ADAMTS9: variants seen among roughly 807,000 people sequenced by gnomAD.
ADAMTS9 encodes the protein ADAM metallopeptidase with thrombospondin type 1 motif 9.
In ADAMTS9, 107 loss-of-function variants were observed where a neutral mutation model predicts 257.1. The ratio of observed to expected loss-of-function variants is 0.42; its 90% CI spans 0.36 to 0.49. ADAMTS9 has a LOEUF of 0.49. Among genes scored for constraint, ADAMTS9 ranks in the 20% least tolerant of loss-of-function variants. The pLI, the probability that ADAMTS9 is intolerant of heterozygous loss-of-function variation, is 0.03. For synonymous variants in ADAMTS9, 982 were observed against 880.9 expected, an observed-to-expected ratio of 1.11 and a Z score of -2.03; for missense variants, 2,353 against 2,469.1, an observed-to-expected ratio of 0.95 and a Z score of 1.00.
chr3:64,526,382 T>C (rs760813099), intron 38 of ADAMTS9, among the ~76,000 whole-genome samples: 1 of 152,032 alleles, frequency 6.6e-6, no homozygotes, highest in Non-Finnish European at 1.5e-5. Flanking sequence ...GATAAAATAG[T>C]TTCTCTTAAT....
intron 9 of ADAMTS9, 115 bp from the exon 10 acceptor site, chr3:64,649,893 T>A: frequency 1.6e-6 from 2 of 1,264,210 alleles, no homozygotes; most frequent in Non-Finnish European, 2.2e-6. Flanking sequence ...AGTTACTTTT[T>A]AACATGTGCT....
intron 22 of ADAMTS9, among the ~76,000 whole-genome samples, chr3:64,612,913 A>T (rs2084692887): frequency 6.6e-6 from 1 of 152,172 alleles, no homozygotes; most frequent in African/African-American, 2.4e-5. Context: ...TATTTATGAG[A>T]GGTGAGCTTT....
At chr3:64,602,328 A>T (rs1445703991) in intron 25 of ADAMTS9, 115 bp from the exon 26 acceptor site, 16 of 1,218,754 alleles carry the variant, frequency 1.3e-5, no homozygotes, top group Non-Finnish European at 1.9e-5. Flanking sequence ...TCAGGCCAAA[A>T]ACCTTGGAAT....
intron 12 of ADAMTS9, among the ~76,000 whole-genome samples, chr3:64,640,871 GA>G (rs1320064391): frequency 4.5e-4 from 69 of 152,110 alleles, no homozygotes; most frequent in African/African-American, 1.6e-3. Context: ...CAAATGCTGG[GA>G]AAAAAGTCCA....
At chr3:64,626,191 C>T (rs1700216531) in intron 16 of ADAMTS9, among the ~76,000 whole-genome samples, 1 of 152,144 alleles carries the variant, frequency 6.6e-6, no homozygotes. Context: ...GTCTCCTTAT[C>T]ACACTTCTAT....
At chr3:64,681,946 C>G (rs566811335) in intron 2 of ADAMTS9, among the ~76,000 whole-genome samples, 1 of 152,304 alleles carries the variant, frequency 6.6e-6, no homozygotes, top group Admixed American at 6.5e-5. Context: ...AACTTAGGGA[C>G]AAGTATGCAC....
At chr3:64,522,023 A>T (rs2082858685) in intron 39 of ADAMTS9, 143 bp downstream of exon 39, 1 of 640,192 alleles carries the variant, frequency 1.6e-6, no homozygotes, top group South Asian at 1.9e-5. Flanking sequence ...ACAGAGGAGC[A>T]GGAGATAAAA....
chr3:64,549,983 C>T (rs2083249369), intron 31 of ADAMTS9, among the ~76,000 whole-genome samples: 1 of 148,726 alleles, frequency 6.7e-6, no homozygotes, highest in Non-Finnish European at 1.5e-5. Flanking sequence ...GACCCAGTGG[C>T]AGCAATCATA....
intron 4 of ADAMTS9, among the ~76,000 whole-genome samples, chr3:64,658,183 A>G (rs1701131054): frequency 6.6e-6 from 1 of 152,066 alleles, no homozygotes; most frequent in Admixed American, 6.6e-5. Context: ...AAGTGACCTA[A>G]CTCCTCTGAG....
intron 39 of ADAMTS9, among the ~76,000 whole-genome samples, chr3:64,518,833 C>T (rs934596773): frequency 3.2e-5 from 4 of 125,522 alleles, no homozygotes; most frequent in African/African-American, 6.0e-5. Context: ...AGTGCAGTGG[C>T]GGGGCGTGGT....
chr3:64,593,954 GTGTATGA>G (rs968862202), intron 28 of ADAMTS9, among the ~76,000 whole-genome samples: 5 of 99,464 alleles, frequency 5.0e-5, no homozygotes, highest in African/African-American at 3.3e-4. Flanking sequence ...GTATGTGTGT[GTGTATGA>G]TGTGTGTGTG....
chr3:64,612,438 G>T (rs1204197473), intron 22 of ADAMTS9, among the ~76,000 whole-genome samples: 1 of 152,182 alleles, frequency 6.6e-6, no homozygotes, highest in Non-Finnish European at 1.5e-5. Context: ...TTGGCAATTT[G>T]GACTGTGGAT....
intron 22 of ADAMTS9, among the ~76,000 whole-genome samples, chr3:64,611,415 G>T (rs2084663735): frequency 6.6e-6 from 1 of 152,184 alleles, no homozygotes; most frequent in Non-Finnish European, 1.5e-5. Context: ...CCATTTCTAT[G>T]AAATGTCCAG....
intron 22 of ADAMTS9, among the ~76,000 whole-genome samples, chr3:64,610,490 A>G (rs960819564): frequency 1.5e-5 from 2 of 134,614 alleles, no homozygotes; most frequent in African/African-American, 3.3e-5. Flanking sequence ...TTATTTTACT[A>G]TTAACACAAT....
intron 37 of ADAMTS9, among the ~76,000 whole-genome samples, chr3:64,537,357 A>C (rs576037062): frequency 6.6e-6 from 1 of 152,234 alleles, no homozygotes; most frequent in Non-Finnish European, 1.5e-5. Flanking sequence ...AAAAGGCAGG[A>C]CAGGGCCAAT....
In ADAMTS9 at chr3:64,569,846, A is replaced by C. The variant is rs192062232; in HGVS notation, c.4357-1311T>G. On this transcript the variant is annotated intron_variant, in intron 28 of 39. Transcript: ENST00000498707. ...TATGATTTGGAGTAGTCATTCTGAA[A>C]ATCTTAATGGAGTATACAGGATGGA... 1.6e-3 allele frequency among the ~76,000 whole-genome samples: 238 copies of C among 152,318 alleles called. 1 individual carries two copies. Among genetic ancestry groups the C allele is most frequent in the Non-Finnish European group, 4.9e-4 (33 of 68,022 alleles).
At chr3:64,548,730 G>T (rs1276145798) in intron 31 of ADAMTS9, among the ~76,000 whole-genome samples, 4 of 152,208 alleles carry the variant, frequency 2.6e-5, no homozygotes, top group Non-Finnish European at 4.4e-5. Flanking sequence ...GCTGATATCA[G>T]CATTGTGAAA....
At chr3:64,532,145 C>G (rs914952821) in intron 38 of ADAMTS9, among the ~76,000 whole-genome samples, 12 of 152,186 alleles carry the variant, frequency 7.9e-5, no homozygotes, top group Non-Finnish European at 1.3e-4. Flanking sequence ...AGTACACAGT[C>G]GACACGCTCC....
intron 28 of ADAMTS9, chr3:64,588,121 C>T (rs995108947): frequency 1.3e-5 from 2 of 152,126 alleles, no homozygotes; most frequent in Admixed American, 6.6e-5. Context: ...TGGCCAGTTG[C>T]ACGTTTAAAA....
Sources: allele counts gnomAD v4.1 joint callset (sites outside exome capture counted in the v4.1 genomes callset), GRCh38; gene constraint gnomAD v4.1.1; transcripts MANE v1.5; gene names NCBI Gene and HGNC (gene_info 2026-07-23, HGNC 2026-07-21).